ACSM6: variants seen among roughly 807,000 people sequenced by gnomAD.
The protein encoded by ACSM6 is acyl-coenzyme A synthetase ACSM6, mitochondrial.
In ACSM6, 35 loss-of-function variants were observed where a neutral mutation model predicts 51.1. The observed-to-expected ratio is 0.69, with a 90% CI of 0.52 to 0.91. The LOEUF (loss-of-function observed/expected upper bound fraction) is 0.91. Among genes scored for constraint, ACSM6 ranks in the 40% least tolerant of loss-of-function variants. The probability of loss-of-function intolerance (pLI) is 0.00; values close to 1 mark genes in which losing one functional copy is unlikely to be tolerated. For synonymous variants in ACSM6, 172 were observed against 207.3 expected, an observed-to-expected ratio of 0.83 and a Z score of 1.46; for missense variants, 509 against 584.1, an observed-to-expected ratio of 0.87 and a Z score of 1.32.
At chr10:95,215,051 C>T in intron 8 of ACSM6, 76 bp downstream of exon 8, 1 of 1,490,062 alleles carries the variant, frequency 6.7e-7, no homozygotes, top group Non-Finnish European at 9.0e-7. Flanking sequence ...TGTCAAAGCA[C>T]TAAGCACGCA....
At chr10:95,219,593 T>C (rs965596949) in intron 8 of ACSM6, among the ~76,000 whole-genome samples, 6 of 152,208 alleles carry the variant, frequency 3.9e-5, no homozygotes, top group Non-Finnish European at 5.9e-5. Context: ...CCTTCTTTTT[T>C]CCTTGAATTT....
At chr10:95,205,832 C>CAT (rs752954737) in intron 3 of ACSM6, among the ~76,000 whole-genome samples, 13 of 152,130 alleles carry the variant, frequency 8.5e-5, no homozygotes, top group South Asian at 8.3e-4. Context: ...TGCACGGTTT[C>CAT]ATATATATAT....
intron 7 of ACSM6, among the ~76,000 whole-genome samples, chr10:95,213,369 T>C (rs948203838): frequency 6.6e-6 from 1 of 152,188 alleles, no homozygotes; most frequent in Admixed American, 6.5e-5. Context: ...CTCTCTTGGA[T>C]ATGAATTCTT....
intron 5 of ACSM6, 145 bp downstream of exon 5, chr10:95,210,938 C>A: frequency 4.1e-6 from 4 of 976,970 alleles, no homozygotes; most frequent in South Asian, 2.2e-5. Flanking sequence ...GGGCTGAGGG[C>A]CCCAAAAGAT....
At chr10:95,210,747 G>A (rs141505578) in exon 5 of ACSM6, 37 of 1,613,858 alleles carry the variant, frequency 2.3e-5, no homozygotes, top group Non-Finnish European at 2.6e-5. Flanking sequence ...CAAAATGGTC[G>A]AGTATTCCCA....
At chr10:95,194,739 A>G in intron 2 of ACSM6, 62 bp downstream of exon 2, 1 of 1,413,770 alleles carries the variant, frequency 7.1e-7, no homozygotes. Context: ...AAGCGTCCAA[A>G]GATCATGAGA....
chr10:95,198,343 T>TAATTTTGTTC (rs1246004389), intron 2 of ACSM6, among the ~76,000 whole-genome samples: 1 of 152,146 alleles, frequency 6.6e-6, no homozygotes, highest in Non-Finnish European at 1.5e-5. Context: ...CGCACAAAGA[T>TAATTTTGTTC]ATTATAGAAC....
At chr10:95,214,408 CTT>C (rs1284690928) in intron 7 of ACSM6, among the ~76,000 whole-genome samples, 1 of 152,158 alleles carries the variant, frequency 6.6e-6, no homozygotes, top group Non-Finnish European at 1.5e-5. Flanking sequence ...GCTGTGGAAA[CTT>C]ATAATATCTA....
In ACSM6 at chr10:95,202,199, A is replaced by G; in HGVS notation, c.403+4A>G. 8 of 1,551,314 alleles carry G rather than the reference A, an allele frequency of 5.2e-6. No individual in the cohort carries two copies. The highest frequency in any genetic ancestry group is 7.0e-6 in the Non-Finnish European group (8 of 1,146,756). The stretch of plus-strand genomic sequence containing the variant: ...TGCCTGGCCTGTGTGCGCTTGGGTG[A>G]GGCATGGGAGACGGACCCCAGGGGT... On this transcript the variant is annotated splice_donor_region_variant and intron_variant, in intron 3 of 10. Coordinates refer to ENST00000341686, the Ensembl canonical transcript of ACSM6.
At chr10:95,198,139 G>A (rs531087887) in intron 2 of ACSM6, among the ~76,000 whole-genome samples, 1 of 152,226 alleles carries the variant, frequency 6.6e-6, no homozygotes, top group Admixed American at 6.5e-5. Flanking sequence ...CTAAAGTACA[G>A]GTCTTTTCCA....
intron 10 of ACSM6, chr10:95,225,626 G>A (rs1240251358): frequency 2.5e-6 from 1 of 397,170 alleles, no homozygotes; most frequent in African/African-American, 2.1e-5. Flanking sequence ...GGGAGTAAAT[G>A]CAGACATTAT....
chr10:95,222,195 T>C (rs2133392543), intron 9 of ACSM6, among the ~76,000 whole-genome samples: 1 of 152,244 alleles, frequency 6.6e-6, no homozygotes, highest in South Asian at 2.1e-4. Context: ...CTACATATGG[T>C]ATAAAGAAAA....
In ACSM6 at chr10:95,207,365, G is replaced by C. The variant is rs772338949; in HGVS notation, c.561G>C (p.Leu187=). Residue 187 remains leucine (L), a synonymous_variant, in exon 4 of 11, where the codon CTG becomes CTC. Transcript: ENST00000341686. The stretch of plus-strand genomic sequence containing the variant: ...GCCCCACCTTGAAAACCAAGCTCCT[G>C]GTGTCAGATAAGAGCTATGATGGGT... 24 of 1,613,958 alleles carry C rather than the reference G, an allele frequency of 1.5e-5. No homozygotes were observed. The South Asian group carries it at 2.4e-4, about 16-fold the overall frequency.
intron 10 of ACSM6, 62 bp downstream of exon 10, chr10:95,225,453 T>C: frequency 8.6e-7 from 1 of 1,166,492 alleles, no homozygotes; most frequent in East Asian, 2.7e-5. Flanking sequence ...AGTGCCATTA[T>C]TGTTGAGTAC....
At chr10:95,219,935 C>T (rs1385864798) in exon 9 of ACSM6, 7 of 1,613,676 alleles carry the variant, frequency 4.3e-6, no homozygotes, top group Admixed American at 1.7e-5. Context: ...TGAAGCCAAG[C>T]TCTCTGGGGA....
intron 10 of ACSM6, chr10:95,226,279 TAAAG>T (rs1230922297): frequency 6.6e-6 from 1 of 152,066 alleles, no homozygotes; most frequent in Non-Finnish European, 1.5e-5. Flanking sequence ...ATTATTAAAA[TAAAG>T]AGTGGCTGGG....
intron 8 of ACSM6, among the ~76,000 whole-genome samples, chr10:95,215,547 G>T (rs980218390): frequency 1.3e-5 from 2 of 152,176 alleles, no homozygotes; most frequent in Admixed American, 1.3e-4. Flanking sequence ...GCAGGCAAGG[G>T]ATATAGGGAT....
At chr10:95,210,338 T>C (rs1271800186) in intron 4 of ACSM6, among the ~76,000 whole-genome samples, 2 of 152,076 alleles carry the variant, frequency 1.3e-5, no homozygotes, top group African/African-American at 4.8e-5. Flanking sequence ...GGTAAGTCGA[T>C]AGATGGGGAA....
chr10:95,209,208 G>C (rs1318466091), intron 4 of ACSM6, among the ~76,000 whole-genome samples: 1 of 152,120 alleles, frequency 6.6e-6, no homozygotes, highest in Non-Finnish European at 1.5e-5. Flanking sequence ...AGCTCTGAGG[G>C]AACACTGTCC....
Sources: gnomAD v4.1 joint callset for allele counts (sites outside exome capture counted in the v4.1 genomes callset) on GRCh38, gnomAD v4.1.1 for gene constraint, MANE v1.5 for transcripts, NCBI Gene and HGNC (gene_info 2026-07-23, HGNC 2026-07-21) for gene names.